The following SGSM3 variants were observed in gnomAD, a reference collection of about 807,000 sequenced individuals.
SGSM3 encodes small G protein signaling modulator 3.
SGSM3 carries 96 observed loss-of-function variants against 100.5 expected under a neutral mutation model. The ratio of observed to expected loss-of-function variants is 0.96; its 90% CI spans 0.81 to 1.13. SGSM3 has a LOEUF of 1.13. SGSM3 is among the 50% of genes most tolerant of loss of function. The pLI is 0.00. For synonymous variants in SGSM3, 483 were observed against 422.8 expected (o/e 1.14, Z -1.75); for missense variants, 1,001 against 1,015.8 (o/e 0.99, Z 0.20).
At chr22:40,390,365 C>T (rs2146884873) in intron 1 of SGSM3, 1 of 152,268 alleles carries the variant, frequency 6.6e-6, no homozygotes, top group East Asian at 1.9e-4. Context: ...TTTTCACATT[C>T]TTCTCACTCT....
At position 40,404,949 on chromosome 22, in the gene SGSM3, C is replaced by T. The variant is rs568429827; in HGVS notation, c.475-192C>T. The T allele has an allele frequency of 5.2e-5, 16 of 305,422 alleles. No individual in the cohort carries two copies. The South Asian group carries it at 2.1e-3, about 39-fold the overall frequency. 18.9% of individuals were successfully genotyped at this position (305,422 alleles called of 1,614,324 possible). ...GGCCACACGTTTTCAGGTGGTCTGG[C>T]ATGAAGTTTCCCAGCTGGATTTGAT... On this transcript the variant is annotated intron_variant, in intron 6 of 21. Coordinates refer to ENST00000248929, the MANE Select transcript of SGSM3 (RefSeq NM_015705.6).
intron 1 of SGSM3, among the ~76,000 whole-genome samples, chr22:40,388,465 G>T (rs991626431): frequency 3.9e-5 from 6 of 152,222 alleles, no homozygotes; most frequent in African/African-American, 1.4e-4. Context: ...CAAGTGCGAG[G>T]CAGGTGTTCA....
chr22:40,407,460 G>A lies in SGSM3; in HGVS notation c.1416G>A (p.Glu472=). Residue 472 remains glutamate, a synonymous_variant, in exon 13 of 22, where the codon GAG becomes GAA. Transcript: ENST00000248929. The surrounding 1 kb of genome is among the most constrained non-coding windows in gnomAD (Gnocchi z 4.7). ...YSMESHQRDH[E]NYVACSRSHR... Reference sequence around the variant, plus strand: ...TGGAGAGCCACCAGCGGGACCACGAGAACTACGTGGCGTGCTCACGCAGCC... The same window carrying A: ...TGGAGAGCCACCAGCGGGACCACGAAAACTACGTGGCGTGCTCACGCAGCC... 2 of 1,612,438 alleles carry A rather than the reference G, an allele frequency of 1.2e-6. No individual in the cohort carries two copies. The highest frequency in any genetic ancestry group is 1.7e-6 in the Non-Finnish European group (2 of 1,179,916).
intron 1 of SGSM3, among the ~76,000 whole-genome samples, chr22:40,377,141 A>G (rs1039236024): frequency 6.6e-6 from 1 of 152,192 alleles, no homozygotes; most frequent in African/African-American, 2.4e-5. Flanking sequence ...CATCCAATCC[A>G]GGTTCTTCTG....
chr22:40,377,655 A>G (rs2046863493), intron 1 of SGSM3, among the ~76,000 whole-genome samples: 1 of 151,986 alleles, frequency 6.6e-6, no homozygotes, highest in South Asian at 2.1e-4. Flanking sequence ...GGGCAACATA[A>G]TGGGAACCTG....
At position 40,407,091 on chromosome 22, in the gene SGSM3, C is replaced by T. The variant is rs2051667458; in HGVS notation, c.1240+20C>T. On this transcript the variant is annotated intron_variant, in intron 11 of 21. Transcript: ENST00000248929. The surrounding 1 kb of genome is among the most constrained non-coding windows in gnomAD (Gnocchi z 4.7). Reference sequence around the variant, plus strand: ...TCTTCGGTGAGAGCTCTGCGAGTGCCAGGCAGTGTGGGCATGCGGGAGTCT... The same window carrying T: ...TCTTCGGTGAGAGCTCTGCGAGTGCTAGGCAGTGTGGGCATGCGGGAGTCT... 6.2e-7 allele frequency: 1 copy of T among 1,603,226 alleles called. No homozygotes were observed. The highest frequency in any genetic ancestry group is 8.5e-7 in the Non-Finnish European group (1 of 1,175,056).
At chr22:40,372,887 G>GTTACTCA (rs2045866157) in intron 1 of SGSM3, 1 of 152,216 alleles carries the variant, frequency 6.6e-6, no homozygotes, top group Non-Finnish European at 1.5e-5. Context: ...TCTCCAGATA[G>GTTACTCA]CCTGTTATTC....
At chr22:40,377,982 G>T (rs559302408) in intron 1 of SGSM3, among the ~76,000 whole-genome samples, 17 of 152,284 alleles carry the variant, frequency 1.1e-4, no homozygotes, top group African/African-American at 4.1e-4. Context: ...CCAAAGAGTA[G>T]ATATTACTAG....
At chr22:40,385,088 T>C (rs192694217) in intron 1 of SGSM3, among the ~76,000 whole-genome samples, 133 of 152,296 alleles carry the variant, frequency 8.7e-4, no homozygotes, top group Non-Finnish European at 3.7e-4. Context: ...TCAGAGTCAT[T>C]GAACAGTTCA....
At chr22:40,387,343 A>T (rs1260632410) in intron 1 of SGSM3, 1 of 396,344 alleles carries the variant, frequency 2.5e-6, no homozygotes, top group Non-Finnish European at 4.4e-6. Flanking sequence ...GTATGTTCAT[A>T]TCTGCAAATG....
chr22:40,381,382 C>G (rs978654144), intron 1 of SGSM3, among the ~76,000 whole-genome samples: 2 of 152,120 alleles, frequency 1.3e-5, no homozygotes, highest in African/African-American at 4.8e-5. Flanking sequence ...CTCTTGGGCT[C>G]AAGTGATCCT....
chr22:40,374,457 G>T (rs979420060), intron 1 of SGSM3, among the ~76,000 whole-genome samples: 1 of 152,236 alleles, frequency 6.6e-6, no homozygotes, highest in South Asian at 2.1e-4. Flanking sequence ...GAGTCTGACA[G>T]ATCTGGTAAC....
Position 40,407,025 on chromosome 22 carries a change from C to T in SGSM3, c.1194C>T (p.Arg398=), listed in dbSNP as rs2051656085. 7 of 1,576,568 alleles carry T rather than the reference C, an allele frequency of 4.4e-6. No homozygotes were observed. The highest frequency in any genetic ancestry group is 6.0e-6 in the Non-Finnish European group (7 of 1,160,820). ...GTLTNLSQVV[R]RRTQRRKSTI... ...CACTCCTCTTGGTGCAGGTTGTTCGCCGCAGGACCCAGCGGAGGAAGTCCA... is the reference window on the plus strand; with the variant it reads ...CACTCCTCTTGGTGCAGGTTGTTCGTCGCAGGACCCAGCGGAGGAAGTCCA... The change falls in exon 11 of 22, where the codon CGC becomes CGT. Residue 398 remains arginine (R), a synonymous_variant. Transcript: ENST00000248929. The surrounding 1 kb of genome is among the most constrained non-coding windows in gnomAD (Gnocchi z 4.7).
intron 1 of SGSM3, among the ~76,000 whole-genome samples, chr22:40,381,330 G>A (rs1217712536): frequency 6.6e-6 from 1 of 151,954 alleles, no homozygotes; most frequent in East Asian, 1.9e-4. Flanking sequence ...TAAATTTTTT[G>A]TAGTGATGAA....
chr22:40,378,059 A>G (rs941524456), intron 1 of SGSM3: 1 of 152,206 alleles, frequency 6.6e-6, no homozygotes, highest in South Asian at 2.1e-4. Context: ...CTGTCTTGGT[A>G]TGTGGAAATA....
At position 40,405,676 on chromosome 22, in the gene SGSM3, G is replaced by A. The variant is rs1436383450; in HGVS notation, c.646G>A (p.Glu216Lys). 1.2e-6 allele frequency: 2 copies of A among 1,613,396 alleles called. No individual in the cohort carries two copies. The highest frequency in any genetic ancestry group is 1.1e-5 in the South Asian group (1 of 91,004). ...MVAACLLLFL[E>K]EEDAFWMMSA... ...GGCCGCCTGCCTCCTGCTGTTCCTG[G>A]AGGAGGAGGACGCCTTCTGGATGAT... The change falls in exon 8 of 22, where the codon GAG (glutamate) becomes AAG (lysine). Residue 216 changes from glutamate to lysine, a missense_variant. Transcript: ENST00000248929.
chr22:40,376,132 A>G (rs975792791), intron 1 of SGSM3: 4 of 141,162 alleles, frequency 2.8e-5, no homozygotes, highest in African/African-American at 5.2e-5. Flanking sequence ...GTTTGTAAAT[A>G]TCCTTAATTA....
At chr22:40,397,590 C>T (rs564682238) in intron 1 of SGSM3, among the ~76,000 whole-genome samples, 2 of 152,262 alleles carry the variant, frequency 1.3e-5, no homozygotes, top group South Asian at 4.1e-4. Flanking sequence ...AGAATGAAGC[C>T]CAGAATCCAC....
Position 40,409,829 on chromosome 22 carries a change from G to C in SGSM3, c.*70G>C. The C allele has an allele frequency of 6.4e-7, 1 of 1,552,648 alleles. No homozygotes were observed. The highest frequency in any genetic ancestry group is 8.6e-7 in the Non-Finnish European group (1 of 1,156,266). On this transcript the variant is annotated 3_prime_UTR_variant, in exon 22 of 22. Transcript: ENST00000248929. The stretch of plus-strand genomic sequence containing the variant: ...CCAGGACCCCAAGCTGCAGAGCCCA[G>C]GGAAGAGCAGCTCCAGAGCCCTGGC...
Sources: allele counts gnomAD v4.1 joint callset (sites outside exome capture counted in the v4.1 genomes callset), GRCh38; gene constraint gnomAD v4.1.1; non-coding constraint Gnocchi (gnomAD v3.1); transcripts MANE v1.5; gene names NCBI Gene and HGNC (gene_info 2026-07-23, HGNC 2026-07-21).